Variants in POLR1A observed in about 807,000 individuals in gnomAD.
POLR1A encodes DNA-directed RNA polymerase I subunit RPA1.
In POLR1A, 84 loss-of-function variants were observed where a neutral mutation model predicts 205.3. That is an observed-to-expected ratio of 0.41 (90% CI 0.34 to 0.49). POLR1A has a LOEUF of 0.49. Among genes scored for constraint, POLR1A ranks in the 20% least tolerant of loss-of-function variants. The probability of loss-of-function intolerance (pLI) is 0.22; values close to 1 mark genes in which losing one functional copy is unlikely to be tolerated. For missense variants in POLR1A, 1,645 were observed against 2,204.5 expected (o/e 0.75, Z 5.08); for synonymous variants, 799 against 863.7 (o/e 0.93, Z 1.31).
At chr2:86,067,959 G>A (rs1032425461) in intron 13 of POLR1A, among the ~76,000 whole-genome samples, 9 of 152,112 alleles carry the variant, frequency 5.9e-5, no homozygotes, top group Admixed American at 5.2e-4. Flanking sequence ...TTGACATTAA[G>A]TTTATTTACC....
Position 86,021,154 on chromosome 2 carries a change from T to C in POLR1A, c.*6269A>G, listed in dbSNP as rs1426610524. On this transcript the variant is annotated 3_prime_UTR_variant, in exon 34 of 34. Coordinates refer to ENST00000263857, the MANE Select transcript of POLR1A (RefSeq NM_015425.6). Reference sequence around the variant, plus strand: ...GGTTGGGGAAGGCAAGTGTTTACTGTGGTCCAGCTGAGGACTGTGGTGTCT... The same window carrying C: ...GGTTGGGGAAGGCAAGTGTTTACTGCGGTCCAGCTGAGGACTGTGGTGTCT... The C allele has an allele frequency of 6.6e-6, 1 of 152,254 alleles. No homozygotes were observed. The highest frequency in any genetic ancestry group is 2.4e-5 in the African/African-American group (1 of 41,456). 9.4% of individuals were successfully genotyped at this position (152,254 alleles called of 1,614,324 possible). A position where few individuals can be genotyped will look rare whatever the true frequency, so the allele number is the denominator to read the frequency against.
At chr2:86,047,114 C>T in intron 19 of POLR1A, 51 bp downstream of exon 19, 1 of 1,241,764 alleles carries the variant, frequency 8.1e-7, no homozygotes, top group Non-Finnish European at 1.2e-6. Context: ...TGCTATCCCC[C>T]ACCTGCCTTT....
intron 1 of POLR1A, among the ~76,000 whole-genome samples, chr2:86,101,563 T>C (rs1673822853): frequency 6.6e-6 from 1 of 152,228 alleles, no homozygotes; most frequent in East Asian, 1.9e-4. Flanking sequence ...CCCACAAATC[T>C]AGAGTCCACC....
In POLR1A at chr2:86,030,494, T is replaced by C. The variant is rs1259786243; in HGVS notation, c.4579-98A>G. The C allele has an allele frequency of 1.2e-5, 10 of 859,478 alleles. No homozygotes were observed. In the East Asian group the frequency reaches 2.6e-4, roughly 22 times the overall value. 53.2% of individuals were successfully genotyped at this position (859,478 alleles called of 1,614,324 possible). ...CTTCAAAACCTTTTCAGGAACTCCC[T>C]GGCTGGGGGAAAGTGGTCCTGCTGG... On this transcript the variant is annotated intron_variant, in intron 30 of 33. Transcript: ENST00000263857.
rs1224803737 is a variant in POLR1A, at chr2:86,070,998, C to G, written c.1612-726G>C. Among the ~76,000 whole-genome samples, 1 of 151,928 alleles carries G rather than the reference C, an allele frequency of 6.6e-6. No individual in the cohort carries two copies. On this transcript the variant is annotated intron_variant, in intron 12 of 33. Coordinates refer to ENST00000263857, the MANE Select transcript of POLR1A (RefSeq NM_015425.6). The surrounding 1 kb of genome is among the most constrained non-coding windows in gnomAD (Gnocchi z 4.4). ...ATGTATGTTTGTGTAGCAGCATTTA[C>G]AGCGGCAAAAACTAGAAATAACCTG...
chr2:86,054,098 C>T (rs1034364539), intron 15 of POLR1A, 42 bp downstream of exon 15: 21 of 1,602,246 alleles, frequency 1.3e-5, no homozygotes, highest in Non-Finnish European at 1.7e-5. Context: ...TGTCTAACCC[C>T]GGCACTAGAA....
chr2:86,041,237 TAC>T (rs10551705), intron 24 of POLR1A, among the ~76,000 whole-genome samples: 1,611 of 121,788 alleles, frequency 0.013, 50 homozygotes, highest in African/African-American at 0.067. Flanking sequence ...TGTGCTGAGC[TAC>T]AGTGTCTGTG....
intron 13 of POLR1A, 100 bp downstream of exon 13, chr2:86,069,918 C>G: frequency 7.4e-7 from 1 of 1,352,532 alleles, no homozygotes; most frequent in Non-Finnish European, 9.9e-7. Flanking sequence ...GCGCCCCTGT[C>G]CTGGAGCTGC....
Position 86,028,708 on chromosome 2 carries a change from G to C in POLR1A, c.4783C>G (p.Leu1595Val), listed in dbSNP as rs1672319661. The change falls in exon 32 of 34, where the codon CTG becomes GTG. Residue 1595 changes from leucine (L) to valine (V), a missense_variant. Physicochemically the swap from Leu to Val is conservative, Grantham distance 32. Coordinates refer to ENST00000263857, the MANE Select transcript of POLR1A (RefSeq NM_015425.6). The surrounding 1 kb of genome is among the most constrained non-coding windows in gnomAD (Gnocchi z 4.5). ...TTGGAGTAGAGGCGGCGCAGATCCAGGACCTGGAGAGAGGAAGGAAGGGAT... is the reference window on the plus strand; with the variant it reads ...TTGGAGTAGAGGCGGCGCAGATCCACGACCTGGAGAGAGGAAGGAAGGGAT... ...LPELFKYAEV[L>V]DLRRLYSNDI... The C allele has an allele frequency of 6.2e-7, 1 of 1,612,478 alleles. No homozygotes were observed. The highest frequency in any genetic ancestry group is 1.3e-5 in the African/African-American group (1 of 74,910).
In POLR1A at chr2:86,028,925, T is replaced by A. The variant is rs1432377467; in HGVS notation, c.4780-214A>T. ...TGGCCGGGGCCCAAGGTCTGTATCG[T>A]CATTACAAGAATCCAGCGTGTCCAC... On this transcript the variant is annotated intron_variant, in intron 31 of 33. Transcript: ENST00000263857. The surrounding 1 kb of genome is among the most constrained non-coding windows in gnomAD (Gnocchi z 4.5). 3.7e-6 allele frequency: 2 copies of A among 542,700 alleles called. No individual in the cohort carries two copies. Among genetic ancestry groups the A allele is most frequent in the Non-Finnish European group, 6.6e-6 (2 of 300,922 alleles). 33.6% of individuals were successfully genotyped at this position (542,700 alleles called of 1,614,324 possible). A position where few individuals can be genotyped will look rare whatever the true frequency, so the allele number is the denominator to read the frequency against.
intron 21 of POLR1A, 97 bp from the exon 22 acceptor site, chr2:86,044,401 G>C: frequency 7.4e-7 from 1 of 1,348,072 alleles, no homozygotes; most frequent in Non-Finnish European, 1.0e-6. Context: ...GGGAAAGGGG[G>C]GCTCCTGTTC....
intron 11 of POLR1A, among the ~76,000 whole-genome samples, chr2:86,077,354 A>G (rs1185913237): frequency 6.6e-6 from 1 of 152,078 alleles, no homozygotes; most frequent in African/African-American, 2.4e-5. Flanking sequence ...GCGAAACAGG[A>G]CCTGGGCAAC....
In POLR1A at chr2:86,071,890, A is replaced by T. The variant is rs191981231; in HGVS notation, c.1612-1618T>A. ...TGAAGGGCTCCTCTAAGTAGTACAA[A>T]GGAATTATGAAGACTTGGTGAAATC... On this transcript the variant is annotated intron_variant, in intron 12 of 33. Transcript: ENST00000263857. Among the ~76,000 whole-genome samples, 406 of 152,368 alleles carry T rather than the reference A, an allele frequency of 2.7e-3. 5 individuals carry two copies. Among genetic ancestry groups the T allele is most frequent in the Non-Finnish European group, 3.7e-3 (254 of 68,040 alleles).
At chr2:86,046,506 A>C (rs1031042605) in intron 19 of POLR1A, among the ~76,000 whole-genome samples, 1 of 152,174 alleles carries the variant, frequency 6.6e-6, no homozygotes, top group Non-Finnish European at 1.5e-5. Flanking sequence ...CCAAGGTTTA[A>C]GGTTAAGAAA....
chr2:86,080,149 C>T (rs990774541), intron 9 of POLR1A, among the ~76,000 whole-genome samples: 1 of 152,110 alleles, frequency 6.6e-6, no homozygotes, highest in Non-Finnish European at 1.5e-5. Flanking sequence ...GGACTGTCTA[C>T]CCAAGGCTGC....
intron 22 of POLR1A, 79 bp from the exon 23 acceptor site, chr2:86,043,274 T>C: frequency 1.6e-6 from 2 of 1,219,416 alleles, no homozygotes; most frequent in Non-Finnish European, 2.4e-6. Flanking sequence ...AAGAGGGCCA[T>C]GGAGCACAAA....
chr2:86,066,983 C>T (rs78381390), intron 13 of POLR1A, among the ~76,000 whole-genome samples: 2 of 152,270 alleles, frequency 1.3e-5, no homozygotes, highest in East Asian at 3.9e-4. Context: ...CTTTGGGGGG[C>T]AGATACTGAT....
chr2:86,091,230 G>A (rs959024269), intron 3 of POLR1A, among the ~76,000 whole-genome samples: 3 of 152,096 alleles, frequency 2.0e-5, no homozygotes, highest in African/African-American at 2.4e-5. Context: ...AGAAGGCAGC[G>A]TCATCCTAGC....
intron 24 of POLR1A, among the ~76,000 whole-genome samples, chr2:86,041,175 GTGTGTGTGT>G (rs1672594268): frequency 1.0e-5 from 1 of 98,986 alleles, no homozygotes; most frequent in African/African-American, 3.9e-5. Context: ...GTGTGTGTGT[GTGTGTGTGT>G]GTGTGTGCGC....
Sources: gnomAD v4.1 joint callset for allele counts (sites outside exome capture counted in the v4.1 genomes callset) on GRCh38, gnomAD v4.1.1 for gene constraint, Gnocchi (gnomAD v3.1) non-coding constraint, MANE v1.5 for transcripts, NCBI Gene and HGNC (gene_info 2026-07-23, HGNC 2026-07-21) for gene names.